The following NIBAN2 variants were observed in gnomAD, a reference collection of about 807,000 sequenced individuals.
NIBAN2 encodes niban apoptosis regulator 2, also known as protein Niban 2.
Under a neutral mutation model 81.8 loss-of-function variants are expected in NIBAN2, and 36 were observed. The observed-to-expected ratio is 0.44, with a 90% CI of 0.34 to 0.58. NIBAN2 has a LOEUF of 0.58. NIBAN2 is among the 20% of genes least tolerant of loss of function. The pLI is 0.02. For missense variants in NIBAN2, 897 were observed against 1,014.1 expected, an observed-to-expected ratio of 0.88 and a Z score of 1.57; for synonymous variants, 445 against 441.6, an observed-to-expected ratio of 1.01 and a Z score of -0.10.
intron 9 of NIBAN2, 177 bp downstream of exon 9, chr9:127,509,969 G>C (rs528022223): frequency 4.8e-5 from 24 of 495,726 alleles, no homozygotes; most frequent in African/African-American, 4.3e-4. Context: ...CAGGCCCCAC[G>C]AGGACTCCAA....
chr9:127,567,571 T>C (rs554412959), intron 1 of NIBAN2, among the ~76,000 whole-genome samples: 3 of 152,262 alleles, frequency 2.0e-5, no homozygotes, highest in South Asian at 2.1e-4. Flanking sequence ...GTGCCCAGCA[T>C]GGGTGCGGCC....
At chr9:127,577,365 T>C (rs1386068119) in intron 1 of NIBAN2, among the ~76,000 whole-genome samples, 1 of 151,836 alleles carries the variant, frequency 6.6e-6, no homozygotes, top group East Asian at 1.9e-4. Flanking sequence ...CTCTGCCTAC[T>C]TTAGAGCTGC....
intron 1 of NIBAN2, among the ~76,000 whole-genome samples, chr9:127,554,945 A>C (rs886470133): frequency 6.6e-6 from 1 of 152,172 alleles, no homozygotes. Flanking sequence ...AAAACAAAAA[A>C]CAAAAAACAA....
In NIBAN2 at chr9:127,545,471, C is replaced by T. The variant is rs1268176850; in HGVS notation, c.56-13693G>A. Among the ~76,000 whole-genome samples the T allele has an allele frequency of 6.6e-6, 1 of 152,214 alleles. No homozygotes were observed. Among genetic ancestry groups the T allele is most frequent in the Non-Finnish European group, 1.5e-5 (1 of 68,048 alleles). Reference sequence around the variant, plus strand: ...AAGTGTTAGGTCACCCAGCCTCAGGCGCCAAACAGGTCACCAGGGAGGCCA... The same window carrying T: ...AAGTGTTAGGTCACCCAGCCTCAGGTGCCAAACAGGTCACCAGGGAGGCCA... On this transcript the variant is annotated intron_variant, in intron 1 of 13. Transcript: ENST00000373312. The surrounding 1 kb of genome is among the most constrained non-coding windows in gnomAD (Gnocchi z 4.7).
intron 1 of NIBAN2, among the ~76,000 whole-genome samples, chr9:127,542,513 G>A (rs1210001461): frequency 6.6e-6 from 1 of 152,224 alleles, no homozygotes; most frequent in Non-Finnish European, 1.5e-5. Context: ...CGAAGCCACT[G>A]AGCAATAAGC....
intron 3 of NIBAN2, among the ~76,000 whole-genome samples, chr9:127,525,772 C>T (rs188965965): frequency 6.6e-6 from 1 of 152,218 alleles, no homozygotes; most frequent in Non-Finnish European, 1.5e-5. Context: ...CAACTTCACA[C>T]AGTTGGGAAG....
chr9:127,537,106 A>G (rs1314535937), intron 1 of NIBAN2, among the ~76,000 whole-genome samples: 2 of 152,218 alleles, frequency 1.3e-5, no homozygotes, highest in African/African-American at 4.8e-5. Context: ...GGAGTGGGGC[A>G]GGACTCACAG....
chr9:127,532,540 G>T (rs2132190748), intron 1 of NIBAN2, among the ~76,000 whole-genome samples: 1 of 152,264 alleles, frequency 6.6e-6, no homozygotes, highest in East Asian at 1.9e-4. Flanking sequence ...GTGGAAGGCG[G>T]AGGTTTCAGT....
At chr9:127,551,869 G>A (rs1196741017) in intron 1 of NIBAN2, among the ~76,000 whole-genome samples, 1 of 152,182 alleles carries the variant, frequency 6.6e-6, no homozygotes, top group Non-Finnish European at 1.5e-5. Context: ...GGCCTCTGCA[G>A]ACCTGCCCTC....
Position 127,507,732 on chromosome 9 carries a change from T to G in NIBAN2, c.1654+135A>C. On this transcript the variant is annotated intron_variant, in intron 13 of 13. Transcript: ENST00000373312. The surrounding 1 kb of genome is among the most constrained non-coding windows in gnomAD (Gnocchi z 6.8). Reference sequence around the variant, plus strand: ...GCTCCGGAGGCCACACAGCGAAGAGTGGGCTTCACCCAGACCCCAGGTGCA... The same window carrying G: ...GCTCCGGAGGCCACACAGCGAAGAGGGGGCTTCACCCAGACCCCAGGTGCA... 1.2e-6 allele frequency: 1 copy of G among 804,134 alleles called. No homozygotes were observed. Among genetic ancestry groups the G allele is most frequent in the Non-Finnish European group, 2.1e-6 (1 of 480,052 alleles). The allele number at this position is 804,134 out of a possible 1,614,324, so 49.8% of individuals were successfully genotyped here. A position where few individuals can be genotyped will look rare whatever the true frequency, so the allele number is the denominator to read the frequency against.
At chr9:127,578,895 T>C in intron 1 of NIBAN2, 1 of 1,607,496 alleles carries the variant, frequency 6.2e-7, no homozygotes, top group Non-Finnish European at 8.5e-7. Flanking sequence ...GTGCCTTGTG[T>C]CCTGGGGACT....
chr9:127,534,673 T>C (rs1008244832), intron 1 of NIBAN2, among the ~76,000 whole-genome samples: 16 of 152,106 alleles, frequency 1.1e-4, no homozygotes, highest in Non-Finnish European at 2.1e-4. Flanking sequence ...TCCCCTTTCC[T>C]GGAGTGAGGT....
Position 127,508,220 on chromosome 9 carries a change from C to T in NIBAN2, c.1435-20G>A, listed in dbSNP as rs1432706719. 21 of 1,597,202 alleles carry T rather than the reference C, an allele frequency of 1.3e-5. No homozygotes were observed. Among genetic ancestry groups the T allele is most frequent in the Middle Eastern group, 1.7e-4 (1 of 5,970 alleles). On this transcript the variant is annotated intron_variant, in intron 11 of 13. Coordinates refer to ENST00000373312, the MANE Select transcript of NIBAN2 (RefSeq NM_022833.4). This position sits in a 1 kb window ranked among gnomAD's most constrained non-coding sequence, Gnocchi z 6.4. ...GTATTTCTGCAGGGAACAAGGGGGT[C>T]GGGGGTCTGCAGGTCAGTGGGCTCC... is the stretch of plus-strand genomic sequence containing the variant.
chr9:127,507,651 C>T lies in NIBAN2; in HGVS notation c.1654+216G>A, dbSNP rs1588149042. Among the ~76,000 whole-genome samples, 1 of 152,216 alleles carries T rather than the reference C, an allele frequency of 6.6e-6. No individual in the cohort carries two copies. On this transcript the variant is annotated intron_variant, in intron 13 of 13. Transcript: ENST00000373312. The surrounding 1 kb of genome is among the most constrained non-coding windows in gnomAD (Gnocchi z 6.8). The stretch of plus-strand genomic sequence containing the variant: ...CATCTAATCACTCCTCTGACCCTCC[C>T]AGCAAAGCCAAGGACGCGAGAAGAA...
chr9:127,520,216 T>C (rs1007060783), intron 5 of NIBAN2, among the ~76,000 whole-genome samples: 2 of 145,924 alleles, frequency 1.4e-5, no homozygotes, highest in Non-Finnish European at 3.0e-5. Flanking sequence ...GTGATTATAT[T>C]TGGACCCAGG....
chr9:127,569,429 C>T (rs191476132), upstream of NIBAN2, among the ~76,000 whole-genome samples: 2 of 151,980 alleles, frequency 1.3e-5, no homozygotes, highest in African/African-American at 4.8e-5. Flanking sequence ...AGAGACGGGG[C>T]TGGTGGGGAC....
Position 127,545,149 on chromosome 9 carries a change from C to A in NIBAN2, c.56-13371G>T, listed in dbSNP as rs902245417. Among the ~76,000 whole-genome samples the A allele has an allele frequency of 6.6e-6, 1 of 152,204 alleles. No individual in the cohort carries two copies. The highest frequency in any genetic ancestry group is 2.4e-5 in the African/African-American group (1 of 41,458). The stretch of plus-strand genomic sequence containing the variant: ...TCTGGCCTCTGGCCTTGGGGTCCCA[C>A]GTCTACAGTGCCCTCCTAGCGTCCA... On this transcript the variant is annotated intron_variant, in intron 1 of 13. Coordinates refer to ENST00000373312, the MANE Select transcript of NIBAN2 (RefSeq NM_022833.4). This position sits in a 1 kb window ranked among gnomAD's most constrained non-coding sequence, Gnocchi z 4.7.
intron 5 of NIBAN2, 115 bp from the exon 6 acceptor site, chr9:127,518,056 G>A: frequency 3.2e-6 from 2 of 626,004 alleles, no homozygotes; most frequent in South Asian, 2.0e-5. Context: ...ACCTCAGGAG[G>A]GGCAGCTGGG....
chr9:127,574,750 C>G (rs1837987817), intron 1 of NIBAN2, among the ~76,000 whole-genome samples: 2 of 152,200 alleles, frequency 1.3e-5, no homozygotes, highest in Non-Finnish European at 1.5e-5. Flanking sequence ...GTATCTACCT[C>G]TGTTTACCCA....
Sources: gnomAD v4.1 joint callset for allele counts (sites outside exome capture counted in the v4.1 genomes callset) on GRCh38, gnomAD v4.1.1 for gene constraint, Gnocchi (gnomAD v3.1) non-coding constraint, MANE v1.5 for transcripts, NCBI Gene and HGNC (gene_info 2026-07-23, HGNC 2026-07-21) for gene names.